FOXP1: variants seen among roughly 807,000 people sequenced by gnomAD.
FOXP1 encodes forkhead box protein P1.
Under a neutral mutation model 98.2 loss-of-function variants are expected in FOXP1, and 15 were observed. The observed-to-expected ratio is 0.15, with a 90% CI of 0.10 to 0.24. FOXP1 has a LOEUF of 0.24. Ranked by LOEUF, FOXP1 falls within the 10% of genes least tolerant of loss-of-function variation. The pLI is 1.00. For synonymous variants in FOXP1, 371 were observed against 314.5 expected (o/e 1.18, Z -1.90); for missense variants, 633 against 848.5 (o/e 0.75, Z 3.15).
intron 2 of FOXP1, among the ~76,000 whole-genome samples, chr3:71,563,916 C>T (rs1306253998): frequency 1.3e-5 from 2 of 152,232 alleles, no homozygotes; most frequent in Non-Finnish European, 2.9e-5. Flanking sequence ...ATGACTTCAT[C>T]TCTGAAATCT....
At chr3:71,471,811 G>A (rs904830408) in intron 3 of FOXP1, among the ~76,000 whole-genome samples, 6 of 152,136 alleles carry the variant, frequency 3.9e-5, no homozygotes, top group African/African-American at 9.7e-5. Context: ...GCTTTACCAC[G>A]TTCCCAGGTG....
At chr3:71,254,594 T>C (rs1245829077) in intron 5 of FOXP1, among the ~76,000 whole-genome samples, 1 of 152,226 alleles carries the variant, frequency 6.6e-6, no homozygotes, top group African/African-American at 2.4e-5. Context: ...ATACACTGAA[T>C]GCTTCATCAA....
rs181311510 is a variant in FOXP1 at position 71,067,719 on chromosome 3, C to T, written c.283-13946G>A. Among the ~76,000 whole-genome samples, 558 of 129,884 alleles carry T rather than the reference C, an allele frequency of 4.3e-3. 4 individuals are homozygous for T. Among genetic ancestry groups the T allele is most frequent in the African/African-American group, 0.015 (530 of 34,408 alleles). 85.2% of individuals were successfully genotyped at this position (129,884 alleles called of 152,430 possible). ...CACCCTGGGCAACACAGTGGGACTC[C>T]GTCTCCAAAAATACACACACACACA... On this transcript the variant is annotated intron_variant, in intron 7 of 20. Transcript: ENST00000649528.
At chr3:71,046,425 G>A (rs2049042477) in intron 10 of FOXP1, among the ~76,000 whole-genome samples, 2 of 152,072 alleles carry the variant, frequency 1.3e-5, no homozygotes, top group Non-Finnish European at 2.9e-5. Context: ...AAAAAAAAAG[G>A]AAACTAAACA....
chr3:71,383,426 T>C (rs966563422), intron 3 of FOXP1, among the ~76,000 whole-genome samples: 3 of 152,184 alleles, frequency 2.0e-5, no homozygotes, highest in East Asian at 3.9e-4. Flanking sequence ...GCAGACATTG[T>C]TGGTCTAGTA....
chr3:71,021,229 C>A (rs898132925), intron 11 of FOXP1, among the ~76,000 whole-genome samples: 16 of 152,138 alleles, frequency 1.1e-4, no homozygotes, highest in African/African-American at 3.6e-4. Flanking sequence ...CTTGCCAATC[C>A]CTAATCTTTC....
At chr3:71,438,102 A>G (rs1322133752) in intron 3 of FOXP1, among the ~76,000 whole-genome samples, 1 of 152,212 alleles carries the variant, frequency 6.6e-6, no homozygotes, top group Non-Finnish European at 1.5e-5. Flanking sequence ...TAATTGAACA[A>G]TTTATTACCT....
intron 7 of FOXP1, among the ~76,000 whole-genome samples, chr3:71,098,782 T>C (rs1354432184): frequency 1.3e-5 from 2 of 152,302 alleles, no homozygotes; most frequent in East Asian, 3.9e-4. Context: ...CTATCATTAA[T>C]TCATGTAAAA....
chr3:71,058,831 A>C (rs1282150581), intron 7 of FOXP1, among the ~76,000 whole-genome samples: 1 of 152,100 alleles, frequency 6.6e-6, no homozygotes, highest in Non-Finnish European at 1.5e-5. Context: ...GGTACCATGC[A>C]AGTAACTATC....
At chr3:71,158,109 G>GGAAGGAAGGAAGGAAGGA (rs1276703178) in intron 6 of FOXP1, among the ~76,000 whole-genome samples, 8 of 18,288 alleles carry the variant, frequency 4.4e-4, no homozygotes, top group African/African-American at 1.1e-3. Context: ...GGAAGGAAGG[G>GGAAGGAAGGAAGGAAGGA]AGGGAGGGAG....
At chr3:71,483,796 C>T (rs1202189702) in intron 3 of FOXP1, among the ~76,000 whole-genome samples, 2 of 151,982 alleles carry the variant, frequency 1.3e-5, no homozygotes, top group Admixed American at 6.6e-5. Flanking sequence ...CCATCACACA[C>T]ATACACGAAC....
chr3:70,959,773 G>A (rs147182440), intron 20 of FOXP1, among the ~76,000 whole-genome samples: 197 of 152,082 alleles, frequency 1.3e-3, no homozygotes, highest in African/African-American at 4.6e-3. Flanking sequence ...TTTAACACAC[G>A]CTGCAGTCAC....
intron 12 of FOXP1, among the ~76,000 whole-genome samples, chr3:71,007,368 A>G (rs534729679): frequency 3.1e-4 from 47 of 152,274 alleles, no homozygotes; most frequent in Admixed American, 7.2e-4. Context: ...TCCTACACTA[A>G]CTAGAGGTAA....
At chr3:71,533,099 T>A (rs1313478712) in intron 2 of FOXP1, among the ~76,000 whole-genome samples, 1 of 152,240 alleles carries the variant, frequency 6.6e-6, no homozygotes, top group East Asian at 1.9e-4. Flanking sequence ...AGAACTCAAC[T>A]GCTACAAAAA....
chr3:71,447,575 C>T (rs1472963156), intron 3 of FOXP1, among the ~76,000 whole-genome samples: 1 of 152,190 alleles, frequency 6.6e-6, no homozygotes, highest in Non-Finnish European at 1.5e-5. Context: ...TGTCCAGTTA[C>T]CAGACAGAAA....
At chr3:71,383,718 A>G (rs1362756494) in intron 3 of FOXP1, among the ~76,000 whole-genome samples, 4 of 152,214 alleles carry the variant, frequency 2.6e-5, no homozygotes, top group Non-Finnish European at 4.4e-5. Context: ...CGCTTGAAAC[A>G]TGGAAGACCA....
At chr3:71,197,273 A>T (rs1465405043) in intron 6 of FOXP1, among the ~76,000 whole-genome samples, 1 of 152,164 alleles carries the variant, frequency 6.6e-6, no homozygotes, top group Admixed American at 6.5e-5. Flanking sequence ...TGAATAAGTA[A>T]ATCAAGAACA....
intron 4 of FOXP1, among the ~76,000 whole-genome samples, chr3:71,323,556 G>A (rs536144481): frequency 1.6e-4 from 25 of 152,312 alleles, no homozygotes; most frequent in African/African-American, 6.0e-4. Flanking sequence ...ACGGGAAAGT[G>A]AGCAGGTTTG....
intron 7 of FOXP1, among the ~76,000 whole-genome samples, chr3:71,083,395 A>G (rs2054666348): frequency 6.6e-6 from 1 of 152,236 alleles, no homozygotes; most frequent in Non-Finnish European, 1.5e-5. Context: ...CATGAGCCAA[A>G]TAAACCTCTT....
Sources: gnomAD v4.1 joint callset for allele counts (sites outside exome capture counted in the v4.1 genomes callset) on GRCh38, gnomAD v4.1.1 for gene constraint, MANE v1.5 for transcripts, NCBI Gene and HGNC (gene_info 2026-07-23, HGNC 2026-07-21) for gene names.